MCPH1: variants seen among roughly 807,000 people sequenced by gnomAD.
The protein encoded by MCPH1 is microcephalin.
In MCPH1, 104 loss-of-function variants were observed where a neutral mutation model predicts 84.5. The observed-to-expected ratio is 1.23, with a 90% CI of 1.05 to 1.45. The LOEUF (loss-of-function observed/expected upper bound fraction) is 1.45, where lower values mean the gene tolerates loss of function less well. Among genes scored for constraint, MCPH1 ranks in the 40% most tolerant of loss-of-function variants. The probability of loss-of-function intolerance (pLI) is 0.00; values close to 1 mark genes in which losing one functional copy is unlikely to be tolerated. For synonymous variants in MCPH1, 514 were observed against 366.8 expected (o/e 1.40, Z -4.58); for missense variants, 1,498 against 1,005.7 (o/e 1.49, Z -6.62).
At chr8:6,412,871 A>G (rs549388648) in intron 2 of MCPH1, among the ~76,000 whole-genome samples, 1 of 152,356 alleles carries the variant, frequency 6.6e-6, no homozygotes, top group South Asian at 2.1e-4. Context: ...GTTTAAAAAG[A>G]CTAACGGGCA....
chr8:6,468,968 C>T (rs748817554), intron 9 of MCPH1, among the ~76,000 whole-genome samples: 28 of 152,050 alleles, frequency 1.8e-4, no homozygotes, highest in African/African-American at 3.4e-4. Flanking sequence ...GCAGGAGGAT[C>T]GCTTGAGGCC....
intron 12 of MCPH1, among the ~76,000 whole-genome samples, chr8:6,539,551 C>G (rs1821145426): frequency 6.6e-6 from 1 of 152,126 alleles, no homozygotes; most frequent in Non-Finnish European, 1.5e-5. Flanking sequence ...TGGATCTGTT[C>G]TGATCTAGCC....
intron 12 of MCPH1, among the ~76,000 whole-genome samples, chr8:6,503,635 C>A (rs912234836): frequency 2.0e-5 from 3 of 152,128 alleles, no homozygotes; most frequent in Non-Finnish European, 2.9e-5. Flanking sequence ...CTTTGCAGTC[C>A]CAGCAACATG....
At chr8:6,529,187 G>A (rs766241913) in intron 12 of MCPH1, among the ~76,000 whole-genome samples, 25 of 152,158 alleles carry the variant, frequency 1.6e-4, no homozygotes, top group Non-Finnish European at 2.8e-4. Flanking sequence ...GCCTGAAGGC[G>A]TCCATCTGCA....
At chr8:6,437,109 A>G (rs1481711482) in intron 5 of MCPH1, among the ~76,000 whole-genome samples, 1 of 152,218 alleles carries the variant, frequency 6.6e-6, no homozygotes, top group Non-Finnish European at 1.5e-5. Context: ...AATTATGGTC[A>G]CTAGAAATTC....
intron 9 of MCPH1, among the ~76,000 whole-genome samples, chr8:6,462,955 C>A (rs1806447847): frequency 1.3e-5 from 2 of 152,124 alleles, no homozygotes; most frequent in Non-Finnish European, 2.9e-5. Context: ...CCTCTTTGCC[C>A]ACTCCCAGAG....
At chr8:6,506,614 C>T (rs1289658900) in intron 12 of MCPH1, among the ~76,000 whole-genome samples, 2 of 152,102 alleles carry the variant, frequency 1.3e-5, no homozygotes, top group African/African-American at 4.8e-5. Context: ...GACCCTTTCC[C>T]TGCTGTTCAG....
chr8:6,416,827 CTA>C (rs1383765545), intron 3 of MCPH1, among the ~76,000 whole-genome samples: 1 of 133,482 alleles, frequency 7.5e-6, no homozygotes, highest in Admixed American at 7.9e-5. Context: ...AACCCTATCT[CTA>C]TTAAAAATAC....
intron 5 of MCPH1, among the ~76,000 whole-genome samples, chr8:6,437,667 G>C (rs1032782912): frequency 1.3e-5 from 2 of 152,172 alleles, no homozygotes; most frequent in Admixed American, 1.3e-4. Flanking sequence ...GCCTCACCTG[G>C]TGCGTGTCCA....
At chr8:6,598,171 G>A (rs188159212) in intron 12 of MCPH1, among the ~76,000 whole-genome samples, 1 of 152,284 alleles carries the variant, frequency 6.6e-6, no homozygotes, top group East Asian at 1.9e-4. Flanking sequence ...AGGCAAAGGC[G>A]GTCAATCAGA....
At chr8:6,611,820 G>A (rs995688638) in intron 12 of MCPH1, among the ~76,000 whole-genome samples, 3 of 151,902 alleles carry the variant, frequency 2.0e-5, no homozygotes, top group Non-Finnish European at 2.9e-5. Context: ...GGGTTTCACC[G>A]TGTTAGCCAG....
chr8:6,616,325 C>A (rs554501169), intron 12 of MCPH1: 15 of 151,792 alleles, frequency 9.9e-5, no homozygotes, highest in African/African-American at 3.2e-4. Flanking sequence ...AGTAAATGAA[C>A]CGTCAGCCAC....
intron 12 of MCPH1, among the ~76,000 whole-genome samples, chr8:6,532,057 T>G (rs886902721): frequency 2.6e-5 from 4 of 152,230 alleles, no homozygotes; most frequent in African/African-American, 9.6e-5. Flanking sequence ...GGTATTCATC[T>G]TGCAGTGGTT....
chr8:6,470,439 C>A (rs1320329621), intron 9 of MCPH1, among the ~76,000 whole-genome samples: 2 of 152,086 alleles, frequency 1.3e-5, no homozygotes, highest in South Asian at 2.1e-4. Flanking sequence ...TTCCTGCCAC[C>A]ACACCCAGCT....
At chr8:6,532,021 C>T in intron 12 of MCPH1, among the ~76,000 whole-genome samples, 1 of 152,172 alleles carries the variant, frequency 6.6e-6, no homozygotes, top group East Asian at 1.9e-4. Flanking sequence ...TTCCCGGAGT[C>T]CAGAAAGCAC....
At chr8:6,451,661 C>T (rs999848896) in intron 8 of MCPH1, among the ~76,000 whole-genome samples, 3 of 151,940 alleles carry the variant, frequency 2.0e-5, no homozygotes, top group South Asian at 2.1e-4. Context: ...GTGTAGAACC[C>T]GTATAACTTG....
chr8:6,595,388 C>T (rs1828840274), intron 12 of MCPH1, among the ~76,000 whole-genome samples: 1 of 152,138 alleles, frequency 6.6e-6, no homozygotes, highest in Non-Finnish European at 1.5e-5. Context: ...TAAACTGTCC[C>T]ATTGAGAAGG....
At chr8:6,436,602 C>G in intron 5 of MCPH1, among the ~76,000 whole-genome samples, 1 of 151,556 alleles carries the variant, frequency 6.6e-6, no homozygotes, top group East Asian at 1.9e-4. Flanking sequence ...ATATTATGTT[C>G]TATAACAAGA....
intron 3 of MCPH1, among the ~76,000 whole-genome samples, chr8:6,425,747 C>A (rs998108335): frequency 5.3e-5 from 8 of 152,220 alleles, no homozygotes; most frequent in African/African-American, 1.7e-4. Flanking sequence ...ATGATCTTCT[C>A]TGCTCCTCGG....
Sources: gnomAD v4.1 joint callset for allele counts (sites outside exome capture counted in the v4.1 genomes callset) on GRCh38, gnomAD v4.1.1 for gene constraint, MANE v1.5 for transcripts, NCBI Gene and HGNC (gene_info 2026-07-23, HGNC 2026-07-21) for gene names.